CDC14B: variants seen among roughly 807,000 people sequenced by gnomAD.
The protein encoded by CDC14B is dual specificity protein phosphatase CDC14B.
CDC14B carries 22 observed loss-of-function variants against 64.2 expected under a neutral mutation model. The observed-to-expected ratio is 0.34, with a 90% CI of 0.24 to 0.49. The LOEUF is 0.49. Ranked by LOEUF, CDC14B falls within the 20% of genes least tolerant of loss-of-function variation. The pLI is 0.99. For missense variants in CDC14B, 498 were observed against 629.9 expected (o/e 0.79, Z 2.24); for synonymous variants, 191 against 215.8 (o/e 0.89, Z 1.01).
intron 6 of CDC14B, among the ~76,000 whole-genome samples, chr9:96,539,375 TTG>T (rs1194352359): frequency 6.6e-6 from 1 of 152,224 alleles, no homozygotes; most frequent in African/African-American, 2.4e-5. Flanking sequence ...TGGATTTTGT[TTG>T]TGAGATGTGC....
At chr9:96,547,296 C>G (rs1841072800) in intron 5 of CDC14B, among the ~76,000 whole-genome samples, 1 of 151,760 alleles carries the variant, frequency 6.6e-6, no homozygotes, top group South Asian at 2.1e-4. Context: ...AAAACCCCAT[C>G]TCTACTAAAA....
Position 96,506,440 on chromosome 9 carries a change from G to A in CDC14B, c.1461-2651C>T, listed in dbSNP as rs554507996. On this transcript the variant is annotated intron_variant, in intron 13 of 13. Transcript: ENST00000375241. ...ATAATTTGCCTTTCTTTTGTAAGCTGTAGGTGGATAACAGGTAGGGTGATG... is the reference window on the plus strand; with the variant it reads ...ATAATTTGCCTTTCTTTTGTAAGCTATAGGTGGATAACAGGTAGGGTGATG... Among the ~76,000 whole-genome samples the A allele has an allele frequency of 5.3e-5, 8 of 152,300 alleles. No homozygotes were observed. In the East Asian group the frequency reaches 1.5e-3, roughly 29 times the overall value.
downstream of CDC14B, among the ~76,000 whole-genome samples, chr9:96,495,993 TGGAG>T (rs994590894): frequency 1.2e-4 from 18 of 152,210 alleles, no homozygotes; most frequent in African/African-American, 4.3e-4. Flanking sequence ...TCTGGGGAGA[TGGAG>T]GGGCCTCAGC....
At chr9:96,563,653 G>A (rs1158035097) in intron 3 of CDC14B, among the ~76,000 whole-genome samples, 1 of 115,038 alleles carries the variant, frequency 8.7e-6, no homozygotes, top group African/African-American at 6.6e-5. Context: ...TCTGTCTCAC[G>A]GGAAAAAAAA....
Position 96,502,691 on chromosome 9 carries a change from A to T in CDC14B, c.*1062T>A. ...TTCCAGTAGGGCTGCGGGAGAAGGCACTCTGCAGAGTTACTAGTTGTGTTC... is the reference window on the plus strand; with the variant it reads ...TTCCAGTAGGGCTGCGGGAGAAGGCTCTCTGCAGAGTTACTAGTTGTGTTC... On this transcript the variant is annotated 3_prime_UTR_variant, in exon 14 of 14. Transcript: ENST00000375241. 1 of 381,366 alleles carries T rather than the reference A, an allele frequency of 2.6e-6. No homozygotes were observed. Among genetic ancestry groups the T allele is most frequent in the Non-Finnish European group, 4.6e-6 (1 of 216,668 alleles). The allele number at this position is 381,366 out of a possible 1,614,324, so 23.6% of individuals were successfully genotyped here. A position where few individuals can be genotyped will look rare whatever the true frequency, so the allele number is the denominator to read the frequency against.
At chr9:96,565,025 G>A (rs556473685) in intron 2 of CDC14B, among the ~76,000 whole-genome samples, 173 bp from the exon 3 acceptor site, 5 of 152,100 alleles carry the variant, frequency 3.3e-5, no homozygotes, top group Non-Finnish European at 7.4e-5. Flanking sequence ...GGTAAATAAT[G>A]CCTACTTAAA....
intron 1 of CDC14B, among the ~76,000 whole-genome samples, chr9:96,581,103 G>A (rs566352224): frequency 2.0e-4 from 30 of 152,106 alleles, no homozygotes; most frequent in South Asian, 4.2e-4. Context: ...GGTGGCGCGC[G>A]CCTGTAATCC....
rs140168405 is a variant in CDC14B at position 96,524,334 on chromosome 9, G to C, written c.947-609C>G. Among the ~76,000 whole-genome samples the C allele has an allele frequency of 9.8e-4, 149 of 152,248 alleles. 1 individual carries two copies. Among genetic ancestry groups the C allele is most frequent in the African/African-American group, 3.5e-3 (145 of 41,548 alleles). ...GATGATTCTATGTGTAGCCGAGGTGGAGAATCACTTTCTGAGCAATGATTC... is the reference window on the plus strand; with the variant it reads ...GATGATTCTATGTGTAGCCGAGGTGCAGAATCACTTTCTGAGCAATGATTC... On this transcript the variant is annotated intron_variant, in intron 9 of 13. Transcript: ENST00000375241.
At chr9:96,556,089 A>G (rs1225108866) in intron 4 of CDC14B, among the ~76,000 whole-genome samples, 2 of 152,240 alleles carry the variant, frequency 1.3e-5, no homozygotes, top group Non-Finnish European at 2.9e-5. Flanking sequence ...TCTTATGCAC[A>G]GGATTCTGAA....
intron 9 of CDC14B, among the ~76,000 whole-genome samples, chr9:96,530,313 G>T (rs1158843720): frequency 2.0e-5 from 3 of 148,392 alleles, no homozygotes. Flanking sequence ...TTTTTTTGGA[G>T]ACAGAGTCTT....
chr9:96,565,944 T>G (rs1380173725), intron 1 of CDC14B, among the ~76,000 whole-genome samples: 1 of 152,254 alleles, frequency 6.6e-6, no homozygotes, highest in African/African-American at 2.4e-5. Flanking sequence ...GCTTCAAAAT[T>G]ACCGCTTACA....
intron 1 of CDC14B, chr9:96,566,627 G>A (rs1843998205): frequency 1.3e-6 from 1 of 762,684 alleles, no homozygotes; most frequent in Non-Finnish European, 2.2e-6. Flanking sequence ...AGAGCCTGGG[G>A]ACAAGTGCCG....
chr9:96,583,798 A>G (rs541880964), intron 1 of CDC14B, among the ~76,000 whole-genome samples: 84 of 152,014 alleles, frequency 5.5e-4, no homozygotes, highest in Middle Eastern at 6.8e-3. Flanking sequence ...GGCTCCCTGC[A>G]AGCTCCGCCT....
chr9:96,509,694 G>A lies in CDC14B; in HGVS notation c.1439C>T (p.Ser480Leu). Residue 480 changes from serine (S) to leucine (L), a missense_variant, in exon 13 of 14, where the codon TCA (serine) becomes TTA (leucine). Ser to Leu is a moderately radical substitution (Grantham distance 145). Coordinates refer to ENST00000375241, the MANE Select transcript of CDC14B (RefSeq NM_033331.4). ...TCACCTTTTAACACTGCTTTTCCTT[G>A]AAGCAGATCTGGTGGTTCTTTTAGT... ...GITKRTTRSA[S>L]RKSSVKSLSI... 6.2e-7 allele frequency: 1 copy of A among 1,605,870 alleles called. No homozygotes were observed. The highest frequency in any genetic ancestry group is 8.5e-7 in the Non-Finnish European group (1 of 1,172,636).
intron 7 of CDC14B, among the ~76,000 whole-genome samples, chr9:96,537,142 T>C (rs1839386860): frequency 6.6e-6 from 1 of 151,850 alleles, no homozygotes; most frequent in Non-Finnish European, 1.5e-5. Context: ...AATTACAAAA[T>C]TAGCTGGGCA....
At position 96,515,864 on chromosome 9, in the gene CDC14B, C is replaced by T; in HGVS notation, c.1344-6075G>A. The T allele has an allele frequency of 7.1e-7, 1 of 1,410,428 alleles. No individual in the cohort carries two copies. Among genetic ancestry groups the T allele is most frequent in the South Asian group, 1.4e-5 (1 of 70,456 alleles). 87.4% of individuals were successfully genotyped at this position (1,410,428 alleles called of 1,614,324 possible). A position where few individuals can be genotyped will look rare whatever the true frequency, so the allele number is the denominator to read the frequency against. On this transcript the variant is annotated intron_variant, in intron 12 of 13. Coordinates refer to ENST00000375241, the MANE Select transcript of CDC14B (RefSeq NM_033331.4). This position sits in a 1 kb window ranked among gnomAD's most constrained non-coding sequence, Gnocchi z 4.3. ...CAAAATAAATTACGCAATCATCAAT[C>T]AATCAAGCCATATGTGAATTTTAGA...
At chr9:96,590,987 G>A (rs1237770169) in intron 1 of CDC14B, among the ~76,000 whole-genome samples, 6 of 152,102 alleles carry the variant, frequency 3.9e-5, no homozygotes, top group African/African-American at 9.7e-5. Flanking sequence ...CAGGAGTTGC[G>A]TATATATTGT....
chr9:96,547,857 G>C (rs994528442), intron 5 of CDC14B, among the ~76,000 whole-genome samples: 1 of 151,248 alleles, frequency 6.6e-6, no homozygotes, highest in African/African-American at 2.4e-5. Flanking sequence ...ATGGAGCCTC[G>C]CTCTGTTGCC....
chr9:96,534,316 C>G, intron 8 of CDC14B, 139 bp downstream of exon 8: 1 of 775,644 alleles, frequency 1.3e-6, no homozygotes, highest in Non-Finnish European at 2.1e-6. Context: ...AAAATCCAGT[C>G]AGAATGATCT....
Sources: allele counts gnomAD v4.1 joint callset (sites outside exome capture counted in the v4.1 genomes callset), GRCh38; gene constraint gnomAD v4.1.1; non-coding constraint Gnocchi (gnomAD v3.1); transcripts MANE v1.5; gene names NCBI Gene and HGNC (gene_info 2026-07-23, HGNC 2026-07-21).